Variants in ANKS1A observed in about 807,000 individuals in gnomAD.
ANKS1A encodes ankyrin repeat and SAM domain-containing protein 1A.
A neutral mutation model predicts 120.3 loss-of-function variants in ANKS1A; 55 were observed. The observed-to-expected ratio is 0.46, with a 90% CI of 0.37 to 0.57. The LOEUF (loss-of-function observed/expected upper bound fraction) is 0.57, where lower values mean the gene tolerates loss of function less well. ANKS1A is among the 20% of genes least tolerant of loss of function. ANKS1A has a pLI of 0.00. For missense variants in ANKS1A, 1,123 were observed against 1,480.3 expected, an observed-to-expected ratio of 0.76 and a Z score of 3.96; for synonymous variants, 590 against 604.7, an observed-to-expected ratio of 0.98 and a Z score of 0.36.
chr6:34,932,857 G>C (rs773171564), intron 1 of ANKS1A, among the ~76,000 whole-genome samples: 10 of 152,052 alleles, frequency 6.6e-5, no homozygotes, highest in Admixed American at 6.5e-5. Context: ...CATTTCTCTT[G>C]GAGTGAATTG....
intron 11 of ANKS1A, among the ~76,000 whole-genome samples, chr6:35,040,593 C>CGT (rs536411006): frequency 5.6e-4 from 86 of 152,376 alleles, no homozygotes; most frequent in African/African-American, 2.0e-3. Context: ...TGCCTACACA[C>CGT]AGACACACAT....
At chr6:34,956,379 C>G (rs867182020) in intron 1 of ANKS1A, among the ~76,000 whole-genome samples, 1 of 151,232 alleles carries the variant, frequency 6.6e-6, no homozygotes, top group African/African-American at 2.4e-5. Context: ...TGTGCTCTGT[C>G]TTTTCATGTT....
At chr6:34,922,670 A>G (rs780729621) in intron 1 of ANKS1A, among the ~76,000 whole-genome samples, 1 of 150,290 alleles carries the variant, frequency 6.7e-6, no homozygotes. Context: ...GAAAGAGAGC[A>G]TGGAGGATTG....
At chr6:34,988,787 C>T (rs1350068037) in intron 8 of ANKS1A, among the ~76,000 whole-genome samples, 1 of 152,198 alleles carries the variant, frequency 6.6e-6, no homozygotes, top group African/African-American at 2.4e-5. Flanking sequence ...TCATTACTTC[C>T]TCAGTAACTT....
chr6:35,088,685 C>T lies in ANKS1A; in HGVS notation c.*76C>T, dbSNP rs559256949. ...GCTCCCACTGCCACCACCGCCATCG[C>T]CTCACCTGCAGCTCTGAAGACCCAG... is the stretch of plus-strand genomic sequence containing the variant. On this transcript the variant is annotated 3_prime_UTR_variant, in exon 24 of 24. Coordinates refer to ENST00000360359, the MANE Select transcript of ANKS1A (RefSeq NM_015245.3). 1 of 1,613,296 alleles carries T rather than the reference C, an allele frequency of 6.2e-7. No individual in the cohort carries two copies. Among genetic ancestry groups the T allele is most frequent in the African/African-American group, 1.3e-5 (1 of 75,056 alleles).
intron 11 of ANKS1A, among the ~76,000 whole-genome samples, chr6:35,043,182 C>T (rs1343359382): frequency 6.6e-6 from 1 of 152,174 alleles, no homozygotes; most frequent in Admixed American, 6.5e-5. Flanking sequence ...AGTTTCTTTT[C>T]ACCCCTTGCC....
chr6:35,024,936 A>G (rs1273538496), intron 11 of ANKS1A, among the ~76,000 whole-genome samples: 1 of 152,116 alleles, frequency 6.6e-6, no homozygotes, highest in African/African-American at 2.4e-5. Context: ...CTTTATGTAA[A>G]CAAGCATGCT....
chr6:35,051,876 A>G (rs1245158721), intron 11 of ANKS1A, among the ~76,000 whole-genome samples: 2 of 152,378 alleles, frequency 1.3e-5, no homozygotes, highest in Admixed American at 6.5e-5. Flanking sequence ...CTCAGAGGAC[A>G]ACAGAGCGGA....
In ANKS1A at chr6:35,045,781, A is replaced by G. The variant is rs796699450; in HGVS notation, c.2011-8318A>G. Among the ~76,000 whole-genome samples the G allele has an allele frequency of 5.3e-5, 8 of 152,314 alleles. 1 individual carries two copies. The highest frequency in any genetic ancestry group is 1.4e-4 in the African/African-American group (6 of 41,570). Reference sequence around the variant, plus strand: ...CAGGGTGCTTGTGAGGAGGGACTGGATCACCAGGAGGGCAGTCAGCTAGTG... The same window carrying G: ...CAGGGTGCTTGTGAGGAGGGACTGGGTCACCAGGAGGGCAGTCAGCTAGTG... On this transcript the variant is annotated intron_variant, in intron 11 of 23. Coordinates refer to ENST00000360359, the MANE Select transcript of ANKS1A (RefSeq NM_015245.3).
intron 1 of ANKS1A, among the ~76,000 whole-genome samples, chr6:34,938,642 G>A (rs373107543): frequency 6.6e-6 from 1 of 152,254 alleles, no homozygotes; most frequent in African/African-American, 2.4e-5. Context: ...TGGTCCCCAC[G>A]TTGCTTTTGT....
chr6:34,905,995 T>C (rs185114286), intron 1 of ANKS1A, among the ~76,000 whole-genome samples: 3 of 152,288 alleles, frequency 2.0e-5, no homozygotes, highest in Admixed American at 6.5e-5. Context: ...CAGGAACTTT[T>C]CTCTCTTAGA....
Position 34,983,374 on chromosome 6 carries a change from C to A in ANKS1A, c.961C>A (p.Pro321Thr), listed in dbSNP as rs753615952. The A allele has an allele frequency of 8.7e-5, 141 of 1,613,886 alleles. 1 individual carries two copies. In the Admixed American group the frequency reaches 2.3e-3, roughly 27 times the overall value. The change falls in exon 7 of 24, where the codon CCC (proline) becomes ACC (threonine). Residue 321 changes from proline to threonine, a missense_variant. Coordinates refer to ENST00000360359, the MANE Select transcript of ANKS1A (RefSeq NM_015245.3). Reference sequence around the variant, plus strand: ...AAAAGAAGTAGATAAAACCCCCCCACCCCAGCCACCTCTCATCTCCAGTAT... The same window carrying A: ...AAAAGAAGTAGATAAAACCCCCCCAACCCAGCCACCTCTCATCTCCAGTAT... ...STKEVDKTPP[P>T]QPPLISSMDS...
chr6:34,912,349 C>T (rs1045187320), intron 1 of ANKS1A, among the ~76,000 whole-genome samples: 5 of 152,174 alleles, frequency 3.3e-5, no homozygotes, highest in African/African-American at 7.2e-5. Flanking sequence ...TTGCTGGTTA[C>T]CTTATGTTAA....
At chr6:35,087,749 T>G (rs550022441) in intron 23 of ANKS1A, among the ~76,000 whole-genome samples, 1 of 152,314 alleles carries the variant, frequency 6.6e-6, no homozygotes. Flanking sequence ...GGCCCTTGGG[T>G]CCGTGCTGAC....
intron 1 of ANKS1A, among the ~76,000 whole-genome samples, chr6:34,945,872 T>C (rs1377641564): frequency 1.3e-5 from 2 of 152,150 alleles, no homozygotes; most frequent in Non-Finnish European, 2.9e-5. Context: ...ATTTCTTCAT[T>C]ATCCTTTTAA....
At chr6:34,923,651 T>TA (rs769335917) in intron 1 of ANKS1A, among the ~76,000 whole-genome samples, 1 of 152,152 alleles carries the variant, frequency 6.6e-6, no homozygotes, top group Non-Finnish European at 1.5e-5. Flanking sequence ...TGTATAGTTT[T>TA]AAACTCAGGT....
At chr6:34,911,120 C>A (rs1399914224) in intron 1 of ANKS1A, among the ~76,000 whole-genome samples, 1 of 152,024 alleles carries the variant, frequency 6.6e-6, no homozygotes, top group Non-Finnish European at 1.5e-5. Context: ...TTTAAGCAGG[C>A]AGATAAGTCA....
In ANKS1A at chr6:35,089,426, C is replaced by T. The variant is rs564900687; in HGVS notation, c.*817C>T. The stretch of plus-strand genomic sequence containing the variant: ...AGCACTGCCCTGGGCTGGCCGGCGC[C>T]GTACTGCCTGCGTTGTGTCAGAGAA... On this transcript the variant is annotated 3_prime_UTR_variant, in exon 24 of 24. Transcript: ENST00000360359. 57 of 986,692 alleles carry T rather than the reference C, an allele frequency of 5.8e-5. No homozygotes were observed. In the African/African-American group the frequency reaches 8.5e-4, roughly 15 times the overall value. 61.1% of individuals were successfully genotyped at this position (986,692 alleles called of 1,614,324 possible).
intron 11 of ANKS1A, among the ~76,000 whole-genome samples, chr6:35,022,291 G>A (rs186878992): frequency 3.3e-5 from 5 of 152,306 alleles, no homozygotes; most frequent in Admixed American, 3.3e-4. Context: ...CCACATAATG[G>A]CCAGCAAATG....
Sources: gnomAD v4.1 joint callset for allele counts (sites outside exome capture counted in the v4.1 genomes callset) on GRCh38, gnomAD v4.1.1 for gene constraint, MANE v1.5 for transcripts, NCBI Gene and HGNC (gene_info 2026-07-23, HGNC 2026-07-21) for gene names.